FIGNL1: variants seen among roughly 807,000 people sequenced by gnomAD.
FIGNL1 encodes the protein fidgetin like 1.
FIGNL1 carries 11 observed loss-of-function variants against 28.9 expected under a neutral mutation model. That is an observed-to-expected ratio of 0.38 (90% CI 0.24 to 0.63). FIGNL1 has a LOEUF of 0.63. Among genes scored for constraint, FIGNL1 ranks in the 20% least tolerant of loss-of-function variants. The pLI is 0.57. For synonymous variants in FIGNL1, 295 were observed against 276.5 expected (o/e 1.07, Z -0.66); for missense variants, 789 against 810.4 (o/e 0.97, Z 0.32).
rs151204868 is a variant in FIGNL1, at chr7:50,445,712, C to T, written c.1576G>A (p.Val526Ile). ...SSRRIKTEFL[V>I]QLDGATTSSE... ...GATGTTGTTGCTCCATCTAATTGAA[C>T]TAAAAATTCTGTTTTTATCCTTCTA... Residue 526 changes from valine to isoleucine, a missense_variant, in exon 4 of 4, where the codon GTT becomes ATT. Transcript: ENST00000433017. 1.9e-6 allele frequency: 3 copies of T among 1,614,178 alleles called. No individual in the cohort carries two copies. The highest frequency in any genetic ancestry group is 2.5e-6 in the Non-Finnish European group (3 of 1,180,032).
chr7:50,447,766 C>T (rs57145809), intron 3 of FIGNL1, among the ~76,000 whole-genome samples: 8,359 of 152,066 alleles, frequency 0.055, 256 homozygotes, highest in East Asian at 0.14. Context: ...GACAGTGTCT[C>T]GCTCTGTCAC....
Position 50,447,317 on chromosome 7 carries a change from T to C in FIGNL1, c.-10-20A>G, listed in dbSNP as rs1821169621. On this transcript the variant is annotated intron_variant, in intron 3 of 3. Coordinates refer to ENST00000433017, the MANE Select transcript of FIGNL1 (RefSeq NM_001287492.4). ...GAGGTTCTATAACAAACAATAAAAA[T>C]GAAAATCAGTATGAAGGAAAACAAA... 1 of 1,478,460 alleles carries C rather than the reference T, an allele frequency of 6.8e-7. No homozygotes were observed. The highest frequency in any genetic ancestry group is 1.4e-5 in the African/African-American group (1 of 71,012). The allele number at this position is 1,478,460 out of a possible 1,614,324, so 91.6% of individuals were successfully genotyped here.
At chr7:50,449,086 T>C (rs1345697076) in intron 2 of FIGNL1, 32 bp downstream of exon 2, 1 of 152,060 alleles carries the variant, frequency 6.6e-6, no homozygotes, top group Non-Finnish European at 1.5e-5. Context: ...CATTCCCCTT[T>C]ATCATCTGTT....
At position 50,444,961 on chromosome 7, in the gene FIGNL1, T is replaced by C. The variant is rs1820363180; in HGVS notation, c.*302A>G. ...TATTAATCAGACACAACTTTATATG[T>C]AATCTTCAACTAAAAAAAATTTGAG... On this transcript the variant is annotated 3_prime_UTR_variant, in exon 4 of 4. Transcript: ENST00000433017. 3 of 189,318 alleles carry C rather than the reference T, an allele frequency of 1.6e-5. No homozygotes were observed. 11.7% of individuals were successfully genotyped at this position (189,318 alleles called of 1,614,324 possible).
Position 50,445,116 on chromosome 7 carries a change from G to T in FIGNL1, c.*147C>A. The T allele has an allele frequency of 1.9e-6, 1 of 514,572 alleles. No individual in the cohort carries two copies. The highest frequency in any genetic ancestry group is 3.3e-6 in the Non-Finnish European group (1 of 307,114). The allele number at this position is 514,572 out of a possible 1,614,324, so 31.9% of individuals were successfully genotyped here. On this transcript the variant is annotated 3_prime_UTR_variant, in exon 4 of 4. Coordinates refer to ENST00000433017, the MANE Select transcript of FIGNL1 (RefSeq NM_001287492.4). ...CAAAACTTACATTAACATACACTATGTCAATCAGATGTAAAATCTGTGCTA... is the reference window on the plus strand; with the variant it reads ...CAAAACTTACATTAACATACACTATTTCAATCAGATGTAAAATCTGTGCTA...
In FIGNL1 at chr7:50,445,358, A is replaced by G; in HGVS notation, c.1930T>C (p.Phe644Leu). The G allele has an allele frequency of 6.2e-7, 1 of 1,614,116 alleles. No individual in the cohort carries two copies. Among genetic ancestry groups the G allele is most frequent in the Non-Finnish European group, 8.5e-7 (1 of 1,180,010 alleles). The change falls in exon 4 of 4, where the codon TTT (phenylalanine) becomes CTT (leucine). Residue 644 changes from phenylalanine (F) to leucine (L), a missense_variant. Phe to Leu is a conservative substitution (Grantham distance 22). Coordinates refer to ENST00000433017, the MANE Select transcript of FIGNL1 (RefSeq NM_001287492.4). ...CGCACAGTTCTAAAAGCATTTTCAA[A>G]ATCAATGTAAGCTATGGGTCGAACT... ...DQVRPIAYID[F>L]ENAFRTVRPS...
In FIGNL1 at chr7:50,447,242, T is replaced by G; in HGVS notation, c.46A>C (p.Lys16Gln). ...SRSVHLSEWQ[K>Q]NYFAITSGIC... Reference sequence around the variant, plus strand: ...CCAGATGTAATTGCGAAGTAATTCTTCTGCCATTCACTCAGGTGCACAGAT... The same window carrying G: ...CCAGATGTAATTGCGAAGTAATTCTGCTGCCATTCACTCAGGTGCACAGAT... The change falls in exon 4 of 4, where the codon AAG becomes CAG. Residue 16 changes from lysine (K) to glutamine (Q), a missense_variant. Physicochemically the swap from Lys to Gln is moderately conservative, Grantham distance 53. Transcript: ENST00000433017. The G allele has an allele frequency of 6.2e-7, 1 of 1,610,852 alleles. No individual in the cohort carries two copies. The highest frequency in any genetic ancestry group is 8.5e-7 in the Non-Finnish European group (1 of 1,177,180).
chr7:50,449,597 C>A lies in FIGNL1; in HGVS notation c.-599G>T, dbSNP rs969724940. On this transcript the variant is annotated 5_prime_UTR_variant, in exon 2 of 4. Coordinates refer to ENST00000433017, the MANE Select transcript of FIGNL1 (RefSeq NM_001287492.4). Reference sequence around the variant, plus strand: ...TGCAAGCCTTTCATAGGATTCTGTTCTTGATGCAAAACGGGAGTTAAGAGC... The same window carrying A: ...TGCAAGCCTTTCATAGGATTCTGTTATTGATGCAAAACGGGAGTTAAGAGC... The A allele has an allele frequency of 6.6e-6, 1 of 152,200 alleles. No individual in the cohort carries two copies. The highest frequency in any genetic ancestry group is 1.5e-5 in the Non-Finnish European group (1 of 68,058). The allele number at this position is 152,200 out of a possible 1,614,324, so 9.4% of individuals were successfully genotyped here.
chr7:50,447,625 TATAG>T (rs1202801802), intron 3 of FIGNL1, among the ~76,000 whole-genome samples: 1 of 152,016 alleles, frequency 6.6e-6, no homozygotes, highest in Non-Finnish European at 1.5e-5. Context: ...ACAATGGAAC[TATAG>T]ATACATAAAG....
chr7:50,446,394 T>C lies in FIGNL1; in HGVS notation c.894A>G (p.Ala298=). The C allele has an allele frequency of 2.5e-6, 4 of 1,614,156 alleles. No individual in the cohort carries two copies. Among genetic ancestry groups the C allele is most frequent in the Non-Finnish European group, 3.4e-6 (4 of 1,180,028 alleles). ...GCTGATCTACCCATAATTGTTCTTT[T>C]GCAGTTTTAAATGTAGGCAGGCTGC... The part of the protein sequence containing the change: ...EDSSLPTFKT[A]KEQLWVDQQK... Residue 298 remains alanine (A), a synonymous_variant, in exon 4 of 4, where the codon GCA becomes GCG. Coordinates refer to ENST00000433017, the MANE Select transcript of FIGNL1 (RefSeq NM_001287492.4).
Position 50,445,277 on chromosome 7 carries a change from C to T in FIGNL1, c.2011G>A (p.Gly671Ser). The part of the protein sequence containing the change: ...ELYENWNKTF[G>S]CGK ...AAGTATCCCACTTACTTTCCACAAC[C>T]AAAAGTTTTGTTCCAGTTTTCATAA... Residue 671 changes from glycine to serine, a missense_variant, in exon 4 of 4, where the codon GGT (glycine) becomes AGT (serine). Physicochemically the swap from Gly to Ser is moderately conservative, Grantham distance 56 (BLOSUM62 0). Transcript: ENST00000433017. 6.4e-7 allele frequency: 1 copy of T among 1,563,484 alleles called. No homozygotes were observed. Among genetic ancestry groups the T allele is most frequent in the Non-Finnish European group, 8.6e-7 (1 of 1,156,312 alleles).
Position 50,445,454 on chromosome 7 carries a change from A to G in FIGNL1, c.1834T>C (p.Cys612Arg). Residue 612 changes from cysteine (C) to arginine (R), a missense_variant, in exon 4 of 4, where the codon TGC becomes CGC. Physicochemically the swap from Cys to Arg is radical, Grantham distance 180. Transcript: ENST00000433017. Reference protein sequence around the residue: ...AFSGADMTQLCREASLGPIRS... With the variant: ...AFSGADMTQLRREASLGPIRS... ...ATAGGACCAAGAGAAGCCTCCCTGC[A>G]AAGCTGTGTCATGTCTGCTCCTGAA... 1 of 1,614,086 alleles carries G rather than the reference A, an allele frequency of 6.2e-7. No homozygotes were observed. The highest frequency in any genetic ancestry group is 8.5e-7 in the Non-Finnish European group (1 of 1,179,996).
chr7:50,447,352 T>A, intron 3 of FIGNL1, 55 bp from the exon 4 acceptor site: 1 of 1,285,090 alleles, frequency 7.8e-7, no homozygotes, highest in South Asian at 1.6e-5. Flanking sequence ...AGAAAATACT[T>A]TAAATGTAAT....
Position 50,445,273 on chromosome 7 carries a change from C to A in FIGNL1, c.2015G>T (p.Cys672Phe). Residue 672 changes from cysteine (C) to phenylalanine (F), a missense_variant, in exon 4 of 4, where the codon TGT (cysteine) becomes TTT (phenylalanine). Physicochemically the swap from Cys to Phe is radical, Grantham distance 205 (BLOSUM62 -2). Coordinates refer to ENST00000433017, the MANE Select transcript of FIGNL1 (RefSeq NM_001287492.4). Reference protein sequence around the residue: ...LYENWNKTFGCGK With the variant: ...LYENWNKTFGFGK ...TTCCAAGTATCCCACTTACTTTCCA[C>A]AACCAAAAGTTTTGTTCCAGTTTTC... The A allele has an allele frequency of 1.3e-6, 2 of 1,557,118 alleles. No homozygotes were observed. Among genetic ancestry groups the A allele is most frequent in the South Asian group, 1.2e-5 (1 of 81,366 alleles).
intron 3 of FIGNL1, 104 bp from the exon 4 acceptor site, chr7:50,447,401 C>T (rs1181732710): frequency 6.7e-6 from 5 of 744,682 alleles, no homozygotes; most frequent in African/African-American, 1.8e-5. Context: ...GGACACTGGA[C>T]TTTTTATTTA....
rs774849993 is a variant in FIGNL1 at position 50,444,296 on chromosome 7, C to T, written c.*967G>A. 3.3e-5 allele frequency: 5 copies of T among 152,194 alleles called. No homozygotes were observed. The highest frequency in any genetic ancestry group is 1.5e-5 in the Non-Finnish European group (1 of 68,034). The allele number at this position is 152,194 out of a possible 1,614,324, so 9.4% of individuals were successfully genotyped here. A position where few individuals can be genotyped will look rare whatever the true frequency, so the allele number is the denominator to read the frequency against. ...CTCTACCAGATGACTCAATTATATT[C>T]CATCCATCCATGGAATCCTAGACAA... On this transcript the variant is annotated 3_prime_UTR_variant, in exon 4 of 4. Transcript: ENST00000433017.
At position 50,445,535 on chromosome 7, in the gene FIGNL1, G is replaced by A. The variant is rs1436592471; in HGVS notation, c.1753C>T (p.Gln585Ter). 1 of 1,614,072 alleles carries A rather than the reference G, an allele frequency of 6.2e-7. No homozygotes were observed. The highest frequency in any genetic ancestry group is 1.1e-5 in the South Asian group (1 of 91,086). Residue 585 changes from glutamine (Q) to a stop codon, truncating the protein, a stop_gained, in exon 4 of 4, where the codon CAG becomes TAG. Transcript: ENST00000433017. LOFTEE classifies it high-confidence loss of function. Reference sequence around the variant, plus strand: ...ATTTCTTCTTCACTGAGGCAACACTGCTCTTTGGACATTAGATTAATTACT... The same window carrying A: ...ATTTCTTCTTCACTGAGGCAACACTACTCTTTGGACATTAGATTAATTACT... ...QIVINLMSKE[Q>*]CCLSEEEIEQ...
chr7:50,446,382 T>C lies in FIGNL1; in HGVS notation c.906A>G (p.Leu302=), dbSNP rs771326450. Reference sequence around the variant, plus strand: ...GGTACTTTTTTTGCTGATCTACCCATAATTGTTCTTTTGCAGTTTTAAATG... The same window carrying C: ...GGTACTTTTTTTGCTGATCTACCCACAATTGTTCTTTTGCAGTTTTAAATG... ...LPTFKTAKEQ[L]WVDQQKKYHQ... is the part of the protein sequence containing the mutation. The change falls in exon 4 of 4, where the codon TTA becomes TTG. Residue 302 remains leucine (L), a synonymous_variant. Transcript: ENST00000433017. 1.9e-6 allele frequency: 3 copies of C among 1,614,058 alleles called. No homozygotes were observed. Among genetic ancestry groups the C allele is most frequent in the Non-Finnish European group, 2.5e-6 (3 of 1,180,036 alleles).
At chr7:50,448,456 A>C (rs1317950833) in intron 2 of FIGNL1, 167 bp from the exon 3 acceptor site, 3 of 152,254 alleles carry the variant, frequency 2.0e-5, no homozygotes, top group Non-Finnish European at 4.4e-5. Context: ...CAATAAATGA[A>C]ATAAGAGAAC....
Sources: gnomAD v4.1 joint callset for allele counts (sites outside exome capture counted in the v4.1 genomes callset) on GRCh38, gnomAD v4.1.1 for gene constraint, MANE v1.5 for transcripts, NCBI Gene and HGNC (gene_info 2026-07-23, HGNC 2026-07-21) for gene names.